The following SLC25A40 variants were observed in gnomAD, a reference collection of about 807,000 sequenced individuals.
The protein encoded by SLC25A40 is mitochondrial glutathione transporter SLC25A40.
Under a neutral mutation model 46.5 loss-of-function variants are expected in SLC25A40, and 41 were observed. That is an observed-to-expected ratio of 0.88 (90% confidence interval 0.69 to 1.14). SLC25A40 has a LOEUF of 1.14. SLC25A40 is among the 50% of genes most tolerant of loss of function. The pLI is 0.00. For synonymous variants in SLC25A40, 126 were observed against 127.5 expected, an observed-to-expected ratio of 0.99 and a Z score of 0.08; for missense variants, 386 against 393.6, an observed-to-expected ratio of 0.98 and a Z score of 0.16.
intron 1 of SLC25A40, among the ~76,000 whole-genome samples, chr7:87,861,686 T>C (rs780281829): frequency 6.6e-6 from 1 of 152,124 alleles, no homozygotes; most frequent in Non-Finnish European, 1.5e-5. Context: ...AAAAATAATA[T>C]ATGTATGCTA....
chr7:87,865,444 G>A (rs768894593), intron 1 of SLC25A40, among the ~76,000 whole-genome samples: 10 of 152,146 alleles, frequency 6.6e-5, no homozygotes, highest in Non-Finnish European at 1.3e-4. Flanking sequence ...CTAGAGTTAT[G>A]AGTGAATTGC....
chr7:87,849,362 C>T (rs1838472616), intron 6 of SLC25A40, among the ~76,000 whole-genome samples: 1 of 152,164 alleles, frequency 6.6e-6, no homozygotes, highest in Non-Finnish European at 1.5e-5. Flanking sequence ...ACCAACTTGT[C>T]CAGGTTGATC....
chr7:87,874,986 GTAAATA>G (rs560761587), intron 1 of SLC25A40, among the ~76,000 whole-genome samples: 147 of 152,060 alleles, frequency 9.7e-4, no homozygotes, highest in African/African-American at 3.4e-3. Flanking sequence ...AAATCTTTCT[GTAAATA>G]TAAACATTTT....
intron 10 of SLC25A40, 76 bp downstream of exon 10, chr7:87,841,552 CTTATT>C (rs1838334523): frequency 5.4e-6 from 4 of 741,522 alleles, no homozygotes; most frequent in Non-Finnish European, 6.1e-6. Flanking sequence ...TCTTGTTTTC[CTTATT>C]TTAGATATCC....
At chr7:87,839,707 G>A (rs960036306) in intron 10 of SLC25A40, among the ~76,000 whole-genome samples, 1 of 151,664 alleles carries the variant, frequency 6.6e-6, no homozygotes, top group Non-Finnish European at 1.5e-5. Flanking sequence ...TTGAGGATTT[G>A]GGTAATTGTC....
chr7:87,846,831 G>T, intron 8 of SLC25A40, 118 bp downstream of exon 8: 2 of 697,388 alleles, frequency 2.9e-6, no homozygotes. Context: ...AGGAGTTTGT[G>T]GTCACTATAG....
intron 1 of SLC25A40, among the ~76,000 whole-genome samples, chr7:87,868,105 G>A (rs1225938250): frequency 6.6e-6 from 1 of 152,078 alleles, no homozygotes; most frequent in East Asian, 1.9e-4. Context: ...TTCAGGCACT[G>A]CCAATGCTTC....
chr7:87,841,691 T>C lies in SLC25A40; in HGVS notation c.765A>G (p.Pro255=). The C allele has an allele frequency of 6.5e-7, 1 of 1,530,046 alleles. No homozygotes were observed. Among genetic ancestry groups the C allele is most frequent in the African/African-American group, 1.4e-5 (1 of 72,090 alleles). 94.8% of individuals were successfully genotyped at this position (1,530,046 alleles called of 1,614,324 possible). Residue 255 remains proline, a synonymous_variant, in exon 10 of 12, where the codon CCA becomes CCG. Transcript: ENST00000341119. ...GCTTTTGTGTTTTTACTACATCAAA[T>C]GGTAAAGTTGCAACAGCAGCAAACT... ...SGSFAAVATL[P]FDVVKTQKQT... is the part of the protein sequence containing the mutation.
chr7:87,848,956 C>T (rs1838464710), intron 6 of SLC25A40, among the ~76,000 whole-genome samples: 1 of 152,092 alleles, frequency 6.6e-6, no homozygotes, highest in African/African-American at 2.4e-5. Flanking sequence ...TAATTTCCTC[C>T]ATTAAAAGTA....
At chr7:87,865,294 T>TA (rs890674666) in intron 1 of SLC25A40, among the ~76,000 whole-genome samples, 15 of 150,594 alleles carry the variant, frequency 1.0e-4, no homozygotes, top group African/African-American at 2.4e-4. Flanking sequence ...AAGAGAAAAC[T>TA]AAAAAAAAAG....
At chr7:87,866,325 A>T (rs1584337865) in intron 1 of SLC25A40, among the ~76,000 whole-genome samples, 3 of 149,784 alleles carry the variant, frequency 2.0e-5, no homozygotes, top group Non-Finnish European at 4.5e-5. Flanking sequence ...TGGATGGCAG[A>T]TTTTTTTTTT....
At chr7:87,843,892 A>T (rs1173719636) in intron 8 of SLC25A40, 29 bp from the exon 9 acceptor site, 1 of 1,508,058 alleles carries the variant, frequency 6.6e-7, no homozygotes, top group Non-Finnish European at 9.1e-7. Context: ...AAATGAACAC[A>T]TATTTAGAAA....
At chr7:87,839,309 G>C (rs1838298436) in intron 10 of SLC25A40, among the ~76,000 whole-genome samples, 1 of 150,992 alleles carries the variant, frequency 6.6e-6, no homozygotes, top group East Asian at 1.9e-4. Flanking sequence ...ATATAATATA[G>C]AAATATTGAA....
At position 87,859,075 on chromosome 7, in the gene SLC25A40, G is replaced by A. The variant is rs544612987; in HGVS notation, c.-24-324C>T. Among the ~76,000 whole-genome samples the A allele has an allele frequency of 4.3e-4, 66 of 152,182 alleles. 2 individuals are homozygous for A. The South Asian group carries it at 0.013, about 31-fold the overall frequency. On this transcript the variant is annotated intron_variant, in intron 2 of 11. Transcript: ENST00000341119. Reference sequence around the variant, plus strand: ...AAGTTTTATCTTACAAAAATTTGATGAGAAAAGCAACATAAAAACATAAAA... The same window carrying A: ...AAGTTTTATCTTACAAAAATTTGATAAGAAAAGCAACATAAAAACATAAAA...
intron 8 of SLC25A40, 122 bp downstream of exon 8, chr7:87,846,827 T>C (rs1838429373): frequency 3.0e-6 from 2 of 663,766 alleles, no homozygotes; most frequent in Non-Finnish European, 4.5e-6. Flanking sequence ...AAAAAGGAGT[T>C]TGTGGTCACT....
chr7:87,852,000 T>C (rs908859913), intron 5 of SLC25A40, among the ~76,000 whole-genome samples: 3 of 152,206 alleles, frequency 2.0e-5, no homozygotes, highest in African/African-American at 7.2e-5. Context: ...AAACTAAGTA[T>C]ACTAATTAAA....
intron 5 of SLC25A40, among the ~76,000 whole-genome samples, chr7:87,853,303 T>C (rs10237525): frequency 6.6e-6 from 1 of 152,136 alleles, no homozygotes; most frequent in Non-Finnish European, 1.5e-5. Flanking sequence ...TCATAACTGG[T>C]AAAATAAAAG....
At chr7:87,856,105 TTATG>T (rs1562746651) in intron 4 of SLC25A40, among the ~76,000 whole-genome samples, 183 bp downstream of exon 4, 1 of 152,026 alleles carries the variant, frequency 6.6e-6, no homozygotes. Context: ...CATATAAATA[TTATG>T]TATTTATTTG....
chr7:87,836,924 A>C (rs1277393233), intron 10 of SLC25A40, 114 bp from the exon 11 acceptor site: 1 of 544,520 alleles, frequency 1.8e-6, no homozygotes. Context: ...TACCATAAGA[A>C]GAGGTTTGTT....
Sources: allele counts gnomAD v4.1 joint callset (sites outside exome capture counted in the v4.1 genomes callset), GRCh38; gene constraint gnomAD v4.1.1; transcripts MANE v1.5; gene names NCBI Gene and HGNC (gene_info 2026-07-23, HGNC 2026-07-21).